The following CADPS2 variants were observed in gnomAD, a reference collection of about 807,000 sequenced individuals.
The protein encoded by CADPS2 is calcium dependent secretion activator 2, also known as calcium-dependent secretion activator 2.
CADPS2 carries 93 observed loss-of-function variants against 172.5 expected under a neutral mutation model. That is an observed-to-expected ratio of 0.54 (90% CI 0.46 to 0.64). The LOEUF (loss-of-function observed/expected upper bound fraction) is 0.64, where lower values mean the gene tolerates loss of function less well. Ranked by LOEUF, CADPS2 falls within the 30% of genes least tolerant of loss-of-function variation. The probability of loss-of-function intolerance (pLI) is 0.00; values close to 1 mark genes in which losing one functional copy is unlikely to be tolerated. For missense variants in CADPS2, 1,420 were observed against 1,565.9 expected (o/e 0.91, Z 1.57); for synonymous variants, 546 against 555.2 (o/e 0.98, Z 0.23).
At chr7:122,610,397 A>T (rs561532646) in intron 6 of CADPS2, among the ~76,000 whole-genome samples, 1 of 151,940 alleles carries the variant, frequency 6.6e-6, no homozygotes, top group South Asian at 2.1e-4. Context: ...TTTAAGTATC[A>T]ATTAAATATA....
chr7:122,731,497 T>C (rs2091637155), intron 2 of CADPS2, among the ~76,000 whole-genome samples: 1 of 151,818 alleles, frequency 6.6e-6, no homozygotes, highest in South Asian at 2.1e-4. Context: ...AAGTAACAAA[T>C]TGCAATCAAC....
intron 7 of CADPS2, among the ~76,000 whole-genome samples, chr7:122,576,352 T>C (rs1418234320): frequency 6.6e-6 from 1 of 152,182 alleles, no homozygotes; most frequent in Non-Finnish European, 1.5e-5. Flanking sequence ...TGGCAGCATA[T>C]GTTTCCCCCT....
Position 122,615,287 on chromosome 7 carries a change from C to G in CADPS2, c.1117G>C (p.Glu373Gln), listed in dbSNP as rs1358453710. Residue 373 changes from glutamate (E) to glutamine (Q), a missense_variant, in exon 6 of 30, where the codon GAA becomes CAA. Glu to Gln is a conservative substitution (Grantham distance 29, BLOSUM62 2). Coordinates refer to ENST00000449022, the MANE Select transcript of CADPS2 (RefSeq NM_017954.11). ...GCAACTGACTTCAGGCCTTGCACTT[C>G]CATTATGACAATCTAAAGATAAAAT... Reference protein sequence around the residue: ...LSFTLEIVIMEVQGLKSVAPN... With the variant: ...LSFTLEIVIMQVQGLKSVAPN... 1 of 1,538,082 alleles carries G rather than the reference C, an allele frequency of 6.5e-7. No individual in the cohort carries two copies. Among genetic ancestry groups the G allele is most frequent in the Non-Finnish European group, 8.8e-7 (1 of 1,135,660 alleles).
At chr7:122,453,846 C>G (rs1319277049) in intron 14 of CADPS2, among the ~76,000 whole-genome samples, 2 of 152,128 alleles carry the variant, frequency 1.3e-5, no homozygotes, top group African/African-American at 4.8e-5. Context: ...TCAGGGGAAG[C>G]TCGCTTGTGT....
intron 5 of CADPS2, among the ~76,000 whole-genome samples, chr7:122,616,992 G>A (rs2074999278): frequency 6.6e-6 from 1 of 152,160 alleles, no homozygotes; most frequent in Admixed American, 6.5e-5. Context: ...ACAGAATTGT[G>A]TAGCACAAAT....
At chr7:122,461,454 A>G (rs557576149) in intron 14 of CADPS2, among the ~76,000 whole-genome samples, 2 of 152,326 alleles carry the variant, frequency 1.3e-5, no homozygotes, top group African/African-American at 4.8e-5. Flanking sequence ...AATTAAAAGA[A>G]ATCCATACAA....
intron 7 of CADPS2, among the ~76,000 whole-genome samples, chr7:122,576,823 C>T (rs376534855): frequency 6.0e-5 from 9 of 149,722 alleles, no homozygotes; most frequent in African/African-American, 2.2e-4. Context: ...CCCAGTGGCG[C>T]GATCTCGGCT....
At chr7:122,680,460 T>C (rs2082902767) in intron 2 of CADPS2, among the ~76,000 whole-genome samples, 1 of 152,172 alleles carries the variant, frequency 6.6e-6, no homozygotes, top group African/African-American at 2.4e-5. Flanking sequence ...ATACCTGTAA[T>C]CCCAGCACTT....
intron 2 of CADPS2, among the ~76,000 whole-genome samples, chr7:122,706,356 CTTATATAT>C (rs2087485874): frequency 1.7e-5 from 1 of 59,860 alleles, no homozygotes; most frequent in Non-Finnish European, 3.2e-5. Context: ...TATATATATG[CTTATATAT>C]TCAAGGAATA....
chr7:122,609,901 G>T (rs552594455), intron 6 of CADPS2, among the ~76,000 whole-genome samples: 2 of 152,252 alleles, frequency 1.3e-5, no homozygotes, highest in East Asian at 3.9e-4. Flanking sequence ...TGGAGGAGAT[G>T]AATCTCTTTC....
chr7:122,744,622 T>C (rs1243716139), intron 1 of CADPS2, among the ~76,000 whole-genome samples: 5 of 152,176 alleles, frequency 3.3e-5, no homozygotes, highest in Non-Finnish European at 5.9e-5. Context: ...CACACAGTGT[T>C]GACAGGACGA....
chr7:122,325,571 C>T lies in CADPS2; in HGVS notation c.3623G>A (p.Ser1208Asn), dbSNP rs776484369. Residue 1208 changes from serine to asparagine, a missense_variant, in exon 29 of 30, where the codon AGC becomes AAC. Physicochemically the swap from Ser to Asn is conservative, Grantham distance 46 (BLOSUM62 1). Transcript: ENST00000449022. The part of the protein sequence containing the change: ...YIEKLFDQWY[S>N]SSMKVICVWL... ...CACGCAAATGACTTTCATGGAACTG[C>T]TGTACCATTGCTAGAAGGGAGAATT... The T allele has an allele frequency of 6.2e-6, 10 of 1,607,716 alleles. No homozygotes were observed. The highest frequency in any genetic ancestry group is 3.3e-5 in the South Asian group (3 of 90,052).
At chr7:122,430,578 A>G (rs2049779789) in intron 17 of CADPS2, among the ~76,000 whole-genome samples, 1 of 152,252 alleles carries the variant, frequency 6.6e-6, no homozygotes, top group Non-Finnish European at 1.5e-5. Context: ...CTAGTAGGTT[A>G]GTGATAAAAT....
intron 9 of CADPS2, among the ~76,000 whole-genome samples, chr7:122,500,580 T>C (rs888018383): frequency 5.3e-5 from 8 of 152,282 alleles, no homozygotes; most frequent in South Asian, 2.1e-4. Context: ...CACCCCATTA[T>C]GTTACGGACA....
intron 25 of CADPS2, among the ~76,000 whole-genome samples, chr7:122,375,970 G>T (rs1425602160): frequency 1.3e-5 from 2 of 151,888 alleles, no homozygotes; most frequent in East Asian, 3.9e-4. Flanking sequence ...ATGGCCAACA[G>T]GTATACGAAA....
intron 8 of CADPS2, among the ~76,000 whole-genome samples, chr7:122,527,156 G>A (rs1027392558): frequency 6.6e-6 from 1 of 152,062 alleles, no homozygotes; most frequent in Non-Finnish European, 1.5e-5. Context: ...ATATTACCCT[G>A]AATTTTAACT....
chr7:122,883,852 T>C (rs569225445), intron 1 of CADPS2, among the ~76,000 whole-genome samples: 1 of 152,350 alleles, frequency 6.6e-6, no homozygotes, highest in Admixed American at 6.5e-5. Flanking sequence ...TCATAGAATA[T>C]ATGTTGTATT....
chr7:122,701,629 CAATT>C (rs1259919661), intron 2 of CADPS2: 2 of 388,894 alleles, frequency 5.1e-6, no homozygotes, highest in Non-Finnish European at 9.0e-6. Flanking sequence ...CCTAAAAAAA[CAATT>C]AAAACTGATT....
intron 17 of CADPS2, among the ~76,000 whole-genome samples, chr7:122,432,405 T>C (rs2050052602): frequency 6.6e-6 from 1 of 152,000 alleles, no homozygotes; most frequent in Admixed American, 6.6e-5. Flanking sequence ...TTTGGGAGGC[T>C]GAGGCTGGTG....
Sources: allele counts gnomAD v4.1 joint callset (sites outside exome capture counted in the v4.1 genomes callset), GRCh38; gene constraint gnomAD v4.1.1; transcripts MANE v1.5; gene names NCBI Gene and HGNC (gene_info 2026-07-23, HGNC 2026-07-21).